The following TNIK variants were observed in gnomAD, a reference collection of about 807,000 sequenced individuals.
TNIK encodes the protein TRAF2 and NCK interacting kinase.
TNIK carries 49 observed loss-of-function variants against 191.3 expected under a neutral mutation model. That is an observed-to-expected ratio of 0.26 (90% CI 0.20 to 0.32). The LOEUF (loss-of-function observed/expected upper bound fraction) is 0.32, where lower values mean the gene tolerates loss of function less well. Among genes scored for constraint, TNIK ranks in the 10% least tolerant of loss-of-function variants. TNIK has a pLI of 1.00. For synonymous variants in TNIK, 594 were observed against 600.9 expected (o/e 0.99, Z 0.17); for missense variants, 1,155 against 1,702.3 (o/e 0.68, Z 5.66).
chr3:171,452,645 C>A (rs891940670), intron 1 of TNIK, among the ~76,000 whole-genome samples: 1 of 151,746 alleles, frequency 6.6e-6, no homozygotes, highest in Non-Finnish European at 1.5e-5. Context: ...AGAAGCACAC[C>A]CTTTCCCGCC....
intron 1 of TNIK, among the ~76,000 whole-genome samples, chr3:171,423,758 G>T (rs916603498): frequency 7.9e-5 from 12 of 152,158 alleles, no homozygotes; most frequent in Admixed American, 7.2e-4. Flanking sequence ...AATAAATGGC[G>T]CTGGGAAAAC....
intron 2 of TNIK, among the ~76,000 whole-genome samples, chr3:171,241,072 C>G (rs981964642): frequency 6.6e-6 from 1 of 151,090 alleles, no homozygotes; most frequent in Admixed American, 6.6e-5. Context: ...CTCTTGTTGC[C>G]CAGTTTGGAG....
intron 18 of TNIK, among the ~76,000 whole-genome samples, chr3:171,118,343 C>A (rs374683816): frequency 6.6e-5 from 10 of 152,156 alleles, no homozygotes; most frequent in Admixed American, 3.3e-4. Context: ...GAATCAATAT[C>A]GTGAAAATGG....
intron 1 of TNIK, among the ~76,000 whole-genome samples, chr3:171,433,671 A>G (rs1560068589): frequency 6.6e-6 from 1 of 152,236 alleles, no homozygotes; most frequent in East Asian, 1.9e-4. Context: ...GATATTTCCA[A>G]ATAAAATTTA....
intron 1 of TNIK, among the ~76,000 whole-genome samples, chr3:171,436,656 C>T (rs190245272): frequency 6.6e-6 from 1 of 152,168 alleles, no homozygotes; most frequent in South Asian, 2.1e-4. Flanking sequence ...CACAAATGAG[C>T]CCAAATTATT....
chr3:171,252,944 T>A (rs1391139793), intron 2 of TNIK, among the ~76,000 whole-genome samples: 1 of 152,004 alleles, frequency 6.6e-6, no homozygotes, highest in African/African-American at 2.4e-5. Context: ...GAATGCATAG[T>A]TTTTTGGGGC....
At chr3:171,346,864 G>T in intron 2 of TNIK, 1 of 287,158 alleles carries the variant, frequency 3.5e-6, no homozygotes, top group Non-Finnish European at 6.4e-6. Context: ...ATCATCCTGG[G>T]CCTTGTAGGC....
At chr3:171,113,598 T>A (rs1432123291) in intron 18 of TNIK, among the ~76,000 whole-genome samples, 2 of 150,388 alleles carry the variant, frequency 1.3e-5, no homozygotes, top group African/African-American at 4.9e-5. Flanking sequence ...AGAGCGAGAC[T>A]CTGTCTGTCT....
chr3:171,343,041 G>A (rs1711548393), intron 2 of TNIK, among the ~76,000 whole-genome samples: 1 of 152,176 alleles, frequency 6.6e-6, no homozygotes. Context: ...ACATGGAAGT[G>A]TGAGTCGATT....
intron 23 of TNIK, 86 bp from the exon 24 acceptor site, chr3:171,087,592 C>T (rs1197386051): frequency 8.2e-6 from 12 of 1,469,458 alleles, no homozygotes; most frequent in South Asian, 3.9e-5. Flanking sequence ...CATAGGCATA[C>T]GGGGCTCCAA....
At position 171,114,033 on chromosome 3, in the gene TNIK, C is replaced by T. The variant is rs1473060060; in HGVS notation, c.2121-3156G>A. Among the ~76,000 whole-genome samples the T allele has an allele frequency of 2.0e-5, 3 of 147,644 alleles. No homozygotes were observed. In the East Asian group the frequency reaches 5.9e-4, roughly 29 times the overall value. On this transcript the variant is annotated intron_variant, in intron 18 of 32. Transcript: ENST00000436636. ...AAAAAAAAAAGCAGCATTCTCAAGG[C>T]TTCTATAAAGCTCTTTCTTTGAAAT...
At chr3:171,203,077 AATT>A (rs1015502649) in intron 4 of TNIK, among the ~76,000 whole-genome samples, 9 of 151,392 alleles carry the variant, frequency 5.9e-5, no homozygotes, top group African/African-American at 1.5e-4. Context: ...ATGAGTGGTT[AATT>A]TTTTTTTTTT....
chr3:171,094,909 T>A (rs1433127570), intron 22 of TNIK, among the ~76,000 whole-genome samples: 1 of 152,192 alleles, frequency 6.6e-6, no homozygotes, highest in Non-Finnish European at 1.5e-5. Context: ...TGTCTCTTTG[T>A]TCATTATTAT....
intron 12 of TNIK, among the ~76,000 whole-genome samples, chr3:171,142,070 G>A (rs1190864731): frequency 1.3e-5 from 2 of 152,186 alleles, no homozygotes; most frequent in African/African-American, 4.8e-5. Flanking sequence ...CTCCGGACCT[G>A]CTGTCTTCCA....
At chr3:171,434,099 AATT>A in intron 1 of TNIK, among the ~76,000 whole-genome samples, 1 of 151,616 alleles carries the variant, frequency 6.6e-6, no homozygotes, top group South Asian at 2.1e-4. Flanking sequence ...GTGCCCAGCT[AATT>A]ATTTTGTATT....
At chr3:171,300,793 G>C (rs1179985059) in intron 2 of TNIK, among the ~76,000 whole-genome samples, 1 of 152,024 alleles carries the variant, frequency 6.6e-6, no homozygotes, top group East Asian at 1.9e-4. Flanking sequence ...AGGCAGAAAG[G>C]GCACAAAGAT....
intron 2 of TNIK, among the ~76,000 whole-genome samples, chr3:171,350,104 ATTC>A (rs1712897690): frequency 1.3e-5 from 2 of 152,322 alleles, no homozygotes; most frequent in Admixed American, 1.3e-4. Flanking sequence ...GGTGAATGAG[ATTC>A]TTAATTAGTT....
intron 1 of TNIK, among the ~76,000 whole-genome samples, chr3:171,384,631 C>T (rs1161555268): frequency 1.3e-5 from 2 of 152,188 alleles, no homozygotes; most frequent in Admixed American, 6.5e-5. Context: ...GAAATGACTA[C>T]ACTTTATATC....
At chr3:171,183,738 C>G (rs544084010) in intron 7 of TNIK, among the ~76,000 whole-genome samples, 2 of 151,912 alleles carry the variant, frequency 1.3e-5, no homozygotes, top group African/African-American at 4.8e-5. Context: ...CTGGCCAACA[C>G]AGTGAAACCC....
Sources: gnomAD v4.1 joint callset for allele counts (sites outside exome capture counted in the v4.1 genomes callset) on GRCh38, gnomAD v4.1.1 for gene constraint, MANE v1.5 for transcripts, NCBI Gene and HGNC (gene_info 2026-07-23, HGNC 2026-07-21) for gene names.